Variants in SLC4A7 observed in about 807,000 individuals in gnomAD.
SLC4A7 encodes the protein sodium bicarbonate cotransporter 3.
A neutral mutation model predicts 137.6 loss-of-function variants in SLC4A7; 51 were observed. The ratio of observed to expected loss-of-function variants is 0.37; its 90% CI spans 0.30 to 0.47. The LOEUF is 0.47. Ranked by LOEUF, SLC4A7 falls within the 20% of genes least tolerant of loss-of-function variation. The pLI is 1.00. For missense variants in SLC4A7, 1,247 were observed against 1,525.4 expected (o/e 0.82, Z 3.04); for synonymous variants, 542 against 518.6 (o/e 1.05, Z -0.61).
chr3:27,464,222 G>A (rs1334850141), intron 1 of SLC4A7, among the ~76,000 whole-genome samples: 2 of 152,094 alleles, frequency 1.3e-5, no homozygotes, highest in Admixed American at 6.6e-5. Context: ...TTTTCGGAAG[G>A]ATAAAACCCA....
chr3:27,414,546 C>T (rs984926346), intron 11 of SLC4A7, among the ~76,000 whole-genome samples: 41 of 152,268 alleles, frequency 2.7e-4, no homozygotes, highest in Non-Finnish European at 1.6e-4. Flanking sequence ...CACTTTATTT[C>T]ATTTCTCTAA....
intron 22 of SLC4A7, 105 bp from the exon 23 acceptor site, chr3:27,386,128 G>A: frequency 1.3e-6 from 1 of 760,832 alleles, no homozygotes. Context: ...GCTTCATATA[G>A]TTTAAAAATT....
intron 1 of SLC4A7, among the ~76,000 whole-genome samples, chr3:27,464,221 G>A (rs2058851898): frequency 1.3e-5 from 2 of 152,062 alleles, no homozygotes; most frequent in African/African-American, 2.4e-5. Flanking sequence ...GTTTTCGGAA[G>A]GATAAAACCC....
In SLC4A7 at chr3:27,463,035, T is replaced by C. The variant is rs189718386; in HGVS notation, c.61-10537A>G. On this transcript the variant is annotated intron_variant, in intron 1 of 25. Transcript: ENST00000454389. ...TGGGCGCAGTGGCTCACGCCTGTAA[T>C]CCCAGCACTTTGTGAGGCGGGGGCA... is the stretch of plus-strand genomic sequence containing the variant. Among the ~76,000 whole-genome samples, 80 of 152,312 alleles carry C rather than the reference T, an allele frequency of 5.3e-4. No individual in the cohort carries two copies. In the East Asian group the frequency reaches 0.014, roughly 27 times the overall value.
chr3:27,449,976 A>G (rs2150534886), intron 2 of SLC4A7, among the ~76,000 whole-genome samples: 1 of 152,310 alleles, frequency 6.6e-6, no homozygotes, highest in African/African-American at 2.4e-5. Flanking sequence ...CTGACTCACT[A>G]ACATTTACTT....
chr3:27,395,443 T>TA (rs954401838), intron 18 of SLC4A7, among the ~76,000 whole-genome samples: 82 of 152,184 alleles, frequency 5.4e-4, no homozygotes, highest in African/African-American at 1.9e-3. Context: ...GTCTTAACCT[T>TA]AAAGAACCTT....
chr3:27,469,806 C>T (rs2059161114), intron 1 of SLC4A7, among the ~76,000 whole-genome samples: 2 of 152,156 alleles, frequency 1.3e-5, no homozygotes, highest in Admixed American at 6.5e-5. Context: ...TGCTGAGGTG[C>T]TAAGATGATG....
In SLC4A7 at chr3:27,376,265, A is replaced by T. The variant is rs2049890219; in HGVS notation, c.*499T>A. 6.6e-6 allele frequency: 1 copy of T among 152,220 alleles called. No individual in the cohort carries two copies. Among genetic ancestry groups the T allele is most frequent in the Admixed American group, 6.5e-5 (1 of 15,282 alleles). The allele number at this position is 152,220 out of a possible 1,614,324, so 9.4% of individuals were successfully genotyped here. A position where few individuals can be genotyped will look rare whatever the true frequency, so the allele number is the denominator to read the frequency against. ...CGCCAGTTAGTGAAACACGATGGAC[A>T]TCTACAGAAATGAAACACAAATAGA... On this transcript the variant is annotated 3_prime_UTR_variant, in exon 26 of 26. Coordinates refer to ENST00000454389, the MANE Select transcript of SLC4A7 (RefSeq NM_001321103.2).
intron 1 of SLC4A7, among the ~76,000 whole-genome samples, chr3:27,471,412 A>AT (rs2059241322): frequency 6.6e-6 from 1 of 152,122 alleles, no homozygotes; most frequent in African/African-American, 2.4e-5. Context: ...AAGGGGGAAC[A>AT]TTTTTTTGAG....
chr3:27,398,274 C>A lies in SLC4A7; in HGVS notation c.2507G>T (p.Trp836Leu), dbSNP rs2052398697. 6.2e-7 allele frequency: 1 copy of A among 1,613,072 alleles called. No homozygotes were observed. The highest frequency in any genetic ancestry group is 2.2e-5 in the East Asian group (1 of 44,816). ...TGTTGTGAAAAACAAGATGACACAC[C>A]AAAAGAGCACATCTGGAATATAAGG... is the stretch of plus-strand genomic sequence containing the variant. ...HGPYIPDVLF[W>L]CVILFFTTFF... Residue 836 changes from tryptophan to leucine, a missense_variant, in exon 17 of 26, where the codon TGG becomes TTG. Trp to Leu is a moderately conservative substitution (Grantham distance 61). Around this residue, in one of 6 missense-constraint regions of SLC4A7, gnomAD observed 499 missense variants for 664.2 expected, o/e 0.75. Coordinates refer to ENST00000454389, the MANE Select transcript of SLC4A7 (RefSeq NM_001321103.2).
rs770993461 is a variant in SLC4A7 at position 27,411,672 on chromosome 3, T to C, written c.1736A>G (p.His579Arg). 31 of 1,564,946 alleles carry C rather than the reference T, an allele frequency of 2.0e-5. No individual in the cohort carries two copies. Among genetic ancestry groups the C allele is most frequent in the Non-Finnish European group, 2.5e-5 (29 of 1,152,258 alleles). ...LGETPKEAAHHAGPELQRTGR... is the reference protein window; with the variant it reads ...LGETPKEAAHRAGPELQRTGR... ...AGTCCTCTGTAGCTCAGGCCCAGCA[T>C]GATGAGCGGCCTCTTTAGGAGTCTC... The change falls in exon 12 of 26, where the codon CAT becomes CGT. Residue 579 changes from histidine (H) to arginine (R), a missense_variant. This residue lies in a region of SLC4A7 where 499 missense variants were observed against 664.2 expected (regional missense o/e 0.75). Coordinates refer to ENST00000454389, the MANE Select transcript of SLC4A7 (RefSeq NM_001321103.2).
intron 3 of SLC4A7, among the ~76,000 whole-genome samples, chr3:27,448,216 CAAA>C (rs34846975): frequency 5.7e-5 from 6 of 104,368 alleles, no homozygotes; most frequent in Non-Finnish European, 3.8e-5. Context: ...GACTCCATCT[CAAA>C]AAAAAAAAAA....
chr3:27,460,038 AT>A lies in SLC4A7; in HGVS notation c.61-7541del, dbSNP rs1227568451. Among the ~76,000 whole-genome samples the A allele has an allele frequency of 1.9e-3, 264 of 139,806 alleles. 1 individual carries two copies. Among genetic ancestry groups the A allele is most frequent in the Middle Eastern group, 3.8e-3 (1 of 260 alleles). 91.7% of individuals were successfully genotyped at this position (139,806 alleles called of 152,430 possible). On this transcript the variant is annotated intron_variant, in intron 1 of 25. Transcript: ENST00000454389. The stretch of plus-strand genomic sequence containing the variant: ...GTATATATACACATATATATATATA[AT>A]TTTTTTTTTTCTTTTGAGACAGGGT...
At chr3:27,396,135 T>A (rs1017202934) in intron 18 of SLC4A7, among the ~76,000 whole-genome samples, 2 of 152,196 alleles carry the variant, frequency 1.3e-5, no homozygotes, top group Admixed American at 1.3e-4. Context: ...TTCTTCTTCA[T>A]GAAAACATTT....
chr3:27,449,227 T>G (rs964670759), intron 2 of SLC4A7, among the ~76,000 whole-genome samples: 2 of 151,860 alleles, frequency 1.3e-5, no homozygotes. Flanking sequence ...AAAGAAGAGC[T>G]TAGCCCATCT....
intron 14 of SLC4A7, among the ~76,000 whole-genome samples, chr3:27,404,026 C>G (rs938235543): frequency 6.6e-6 from 1 of 152,196 alleles, no homozygotes; most frequent in African/African-American, 2.4e-5. Flanking sequence ...TATGTAATAG[C>G]ATCAAGTTGT....
chr3:27,434,846 G>A (rs1478663884), intron 5 of SLC4A7, among the ~76,000 whole-genome samples: 8 of 151,972 alleles, frequency 5.3e-5, no homozygotes, highest in Admixed American at 5.2e-4. Flanking sequence ...AAAAACCCTG[G>A]AAGGACCAGC....
chr3:27,402,420 C>T (rs2052854149), intron 15 of SLC4A7, among the ~76,000 whole-genome samples: 1 of 152,142 alleles, frequency 6.6e-6, no homozygotes, highest in Non-Finnish European at 1.5e-5. Context: ...CAAGCTTCAG[C>T]CGGGCACAGT....
chr3:27,465,821 G>A (rs35124105), intron 1 of SLC4A7, among the ~76,000 whole-genome samples: 32,369 of 151,492 alleles, frequency 0.21, 3,535 homozygotes, highest in Non-Finnish European at 0.25. Context: ...AGGCGTGGTG[G>A]CTGGCACCTG....
Sources: allele counts gnomAD v4.1 joint callset (sites outside exome capture counted in the v4.1 genomes callset), GRCh38; gene constraint gnomAD v4.1.1; regional missense constraint gnomAD v4.1.1; transcripts MANE v1.5; gene names NCBI Gene and HGNC (gene_info 2026-07-23, HGNC 2026-07-21).